The following CHUK variants were observed in gnomAD, a reference collection of about 807,000 sequenced individuals.
The protein encoded by CHUK is component of inhibitor of nuclear factor kappa B kinase complex.
In CHUK, 35 loss-of-function variants were observed where a neutral mutation model predicts 104.8. That is an observed-to-expected ratio of 0.33 (90% CI 0.26 to 0.44). The LOEUF is 0.44. Ranked by LOEUF, CHUK falls within the 20% of genes least tolerant of loss-of-function variation. The probability of loss-of-function intolerance (pLI) is 1.00; values close to 1 mark genes in which losing one functional copy is unlikely to be tolerated. For synonymous variants in CHUK, 276 were observed against 291.9 expected (o/e 0.95, Z 0.56); for missense variants, 663 against 902.7 (o/e 0.73, Z 3.40).
In CHUK at chr10:100,219,276, C is replaced by T. The variant is rs572069805; in HGVS notation, c.558G>A (p.Gln186=). The change falls in exon 6 of 21, where the codon CAG becomes CAA. Residue 186 remains glutamine, a synonymous_variant. Transcript: ENST00000370397. The part of the protein sequence containing the change: ...SLCTSFVGTL[Q]YLAPELFENK... ...GAAACAAAACAGGTCTCACCAGATACTGCAGTGTTCCCACAAAAGATGTAC... is the reference window on the plus strand; with the variant it reads ...GAAACAAAACAGGTCTCACCAGATATTGCAGTGTTCCCACAAAAGATGTAC... 1.0e-4 allele frequency: 162 copies of T among 1,591,110 alleles called. No homozygotes were observed. Among genetic ancestry groups the T allele is most frequent in the Non-Finnish European group, 1.3e-4 (152 of 1,159,160 alleles).
At chr10:100,216,667 T>C (rs932803538) in intron 9 of CHUK, among the ~76,000 whole-genome samples, 4 of 152,220 alleles carry the variant, frequency 2.6e-5, no homozygotes, top group African/African-American at 9.6e-5. Context: ...CGCCATGTAC[T>C]CCAACATTAC....
At chr10:100,225,379 T>C (rs1846081920) in intron 2 of CHUK, among the ~76,000 whole-genome samples, 1 of 152,234 alleles carries the variant, frequency 6.6e-6, no homozygotes, top group African/African-American at 2.4e-5. Flanking sequence ...GCTTATTTCA[T>C]TTAGCATAAT....
chr10:100,215,273 T>C (rs1396258024), intron 9 of CHUK, among the ~76,000 whole-genome samples: 2 of 151,712 alleles, frequency 1.3e-5, no homozygotes, highest in Non-Finnish European at 2.9e-5. Context: ...TATGTTCAGT[T>C]TTTAATAAAT....
At chr10:100,218,908 T>C in intron 7 of CHUK, 83 bp from the exon 8 acceptor site, 1 of 1,532,110 alleles carries the variant, frequency 6.5e-7, no homozygotes, top group Non-Finnish European at 9.0e-7. Flanking sequence ...TTTAATTGTA[T>C]ATTTCAAAGG....
At chr10:100,199,844 C>T (rs1002126248) in intron 16 of CHUK, 127 bp downstream of exon 16, 1 of 754,304 alleles carries the variant, frequency 1.3e-6, no homozygotes. Context: ...AATGGCAATA[C>T]CAAAACTGGA....
At chr10:100,189,895 G>A (rs1845155852) in intron 20 of CHUK, 1 of 385,794 alleles carries the variant, frequency 2.6e-6, no homozygotes, top group Non-Finnish European at 4.7e-6. Context: ...GAGTACAGTG[G>A]CTATTCACAA....
At chr10:100,219,430 T>C (rs1045647743) in intron 5 of CHUK, 71 bp from the exon 6 acceptor site, 9 of 890,072 alleles carry the variant, frequency 1.0e-5, no homozygotes, top group African/African-American at 5.0e-5. Context: ...ACAATATCCT[T>C]ACGAGGCTGT....
chr10:100,189,619 A>G lies in CHUK; in HGVS notation c.2217T>C (p.Asp739=), dbSNP rs1845147117. 6.2e-7 allele frequency: 1 copy of G among 1,611,806 alleles called. No homozygotes were observed. The highest frequency in any genetic ancestry group is 8.5e-7 in the Non-Finnish European group (1 of 1,178,044). The change falls in exon 21 of 21, where the codon GAT becomes GAC. Residue 739 remains aspartate, a synonymous_variant. Transcript: ENST00000370397. ...CAACTCATTCTGTTAACCAACTCCA[A>G]TCAAGATTCTAAAACCAGGCATGAA... ...EEQGNSMMNL[D]WSWLTE is the part of the protein sequence containing the mutation.
At chr10:100,210,594 G>C (rs1385634532) in intron 9 of CHUK, among the ~76,000 whole-genome samples, 1 of 152,142 alleles carries the variant, frequency 6.6e-6, no homozygotes, top group African/African-American at 2.4e-5. Context: ...GCTAATAACT[G>C]GTAGAGCTTG....
intron 13 of CHUK, among the ~76,000 whole-genome samples, chr10:100,202,717 T>C (rs140794805): frequency 6.6e-6 from 1 of 152,224 alleles, no homozygotes; most frequent in Non-Finnish European, 1.5e-5. Context: ...CTTAAAAATA[T>C]ATATATTTAT....
chr10:100,204,931 C>G, intron 12 of CHUK, 145 bp downstream of exon 12: 1 of 961,372 alleles, frequency 1.0e-6, no homozygotes, highest in South Asian at 1.5e-5. Context: ...AGTAAGAATT[C>G]TACAAGTTTA....
At chr10:100,227,746 T>C (rs116002340) in intron 1 of CHUK, among the ~76,000 whole-genome samples, 1 of 152,298 alleles carries the variant, frequency 6.6e-6, no homozygotes, top group African/African-American at 2.4e-5. Context: ...TCATTCTAAT[T>C]ACCCTAAATA....
intron 2 of CHUK, among the ~76,000 whole-genome samples, 171 bp downstream of exon 2, chr10:100,225,752 T>G (rs1465990561): frequency 6.6e-6 from 1 of 152,170 alleles, no homozygotes; most frequent in African/African-American, 2.4e-5. Flanking sequence ...TAACTAAACC[T>G]TCTTAATCTT....
chr10:100,190,795 A>T, intron 20 of CHUK, 74 bp downstream of exon 20: 1 of 853,206 alleles, frequency 1.2e-6, no homozygotes, highest in Admixed American at 1.7e-5. Flanking sequence ...ATGCCAGATA[A>T]GGCTAGCATG....
chr10:100,211,905 G>C (rs946238637), intron 9 of CHUK, among the ~76,000 whole-genome samples: 1 of 150,376 alleles, frequency 6.6e-6, no homozygotes, highest in Admixed American at 6.6e-5. Flanking sequence ...TTTTGAGACA[G>C]AGTCTTGCTG....
chr10:100,202,097 G>T lies in CHUK; in HGVS notation c.1560C>A (p.His520Gln). ...ACGTCAATGATTTTACCTCAGCATA[G>T]TGGATGGCCTTTTCTTCCATTTCTT... ...AWKEMEEKAI[H>Q]YAEVGVIGYL... Residue 520 changes from histidine (H) to glutamine (Q), a missense_variant, in exon 14 of 21, where the codon CAC becomes CAA. This residue lies in a region of CHUK where 311 missense variants were observed against 393.4 expected (regional missense o/e 0.79). Coordinates refer to ENST00000370397, the MANE Select transcript of CHUK (RefSeq NM_001278.5). 3.1e-6 allele frequency: 5 copies of T among 1,610,718 alleles called. No homozygotes were observed. Among genetic ancestry groups the T allele is most frequent in the Non-Finnish European group, 4.2e-6 (5 of 1,177,216 alleles).
At chr10:100,193,921 C>A in intron 18 of CHUK, 63 bp downstream of exon 18, 1 of 1,465,796 alleles carries the variant, frequency 6.8e-7, no homozygotes, top group Non-Finnish European at 9.5e-7. Context: ...TGATAAAAAT[C>A]CCCTTTGCAA....
At position 100,208,782 on chromosome 10, in the gene CHUK, T is replaced by TA. The variant is rs56149905; in HGVS notation, c.1128+812dup. 2.5e-3 allele frequency among the ~76,000 whole-genome samples: 309 copies of TA among 125,360 alleles called. 1 individual carries two copies. Among genetic ancestry groups the TA allele is most frequent in the Middle Eastern group, 4.0e-3 (1 of 252 alleles). The allele number at this position is 125,360 out of a possible 152,430, so 82.2% of individuals were successfully genotyped here. A position where few individuals can be genotyped will look rare whatever the true frequency, so the allele number is the denominator to read the frequency against. ...GCCTGGGCAACAGAGCAAGACTGTC[T>TA]AAAAAAAAAAAAAACTGGAAGAGCC... On this transcript the variant is annotated intron_variant, in intron 10 of 20. Transcript: ENST00000370397.
In CHUK at chr10:100,225,878, T is replaced by C. The variant is rs17885776; in HGVS notation, c.200+45A>G. On this transcript the variant is annotated intron_variant, in intron 2 of 20. Transcript: ENST00000370397. Reference sequence around the variant, plus strand: ...CCTCTTTCCCCATGATGACATCTGGTTGGGCTGTAGAACCAGGGAAATGTA... The same window carrying C: ...CCTCTTTCCCCATGATGACATCTGGCTGGGCTGTAGAACCAGGGAAATGTA... 2.8e-3 allele frequency: 3,043 copies of C among 1,072,914 alleles called. 65 individuals are homozygous for C. In the African/African-American group the frequency reaches 0.041, roughly 14 times the overall value. 66.5% of individuals were successfully genotyped at this position (1,072,914 alleles called of 1,614,324 possible).
Sources: allele counts gnomAD v4.1 joint callset (sites outside exome capture counted in the v4.1 genomes callset), GRCh38; gene constraint gnomAD v4.1.1; regional missense constraint gnomAD v4.1.1; transcripts MANE v1.5; gene names NCBI Gene and HGNC (gene_info 2026-07-23, HGNC 2026-07-21).